TENM2: variants seen among roughly 807,000 people sequenced by gnomAD.
The protein encoded by TENM2 is teneurin transmembrane protein 2, also known as teneurin-2.
Under a neutral mutation model 245.2 loss-of-function variants are expected in TENM2, and 52 were observed. That is an observed-to-expected ratio of 0.21 (90% CI 0.17 to 0.27). The LOEUF is 0.27. TENM2 is among the 10% of genes least tolerant of loss of function. The pLI is 1.00. For missense variants in TENM2, 3,046 were observed against 3,666.8 expected, an observed-to-expected ratio of 0.83 and a Z score of 4.37; for synonymous variants, 1,363 against 1,438.9, an observed-to-expected ratio of 0.95 and a Z score of 1.19.
chr5:168,216,471 G>A (rs1763206229), intron 21 of TENM2, among the ~76,000 whole-genome samples: 1 of 152,176 alleles, frequency 6.6e-6, no homozygotes, highest in Non-Finnish European at 1.5e-5. Context: ...GTTATTTCCT[G>A]CTTCATTCAT....
chr5:168,199,981 C>A (rs1713962788), exon 17 of TENM2: 1 of 1,613,898 alleles, frequency 6.2e-7, no homozygotes, highest in Non-Finnish European at 8.5e-7. Context: ...CACAGTGCCC[C>A]TGAACCTCAT....
chr5:167,659,244 A>G (rs1481636336), intron 2 of TENM2, among the ~76,000 whole-genome samples: 4 of 152,228 alleles, frequency 2.6e-5, no homozygotes, highest in Non-Finnish European at 5.9e-5. Flanking sequence ...AACAAAGATA[A>G]GATAAAGAGG....
chr5:167,284,730 TCA>T (rs1435574568), upstream of TENM2: 22 of 777,010 alleles, frequency 2.8e-5, no homozygotes, highest in Admixed American at 3.7e-4. Context: ...TTTCTTGTAA[TCA>T]CAGTCTTGGG....
intron 27 of TENM2, 75 bp downstream of exon 29, chr5:168,248,446 G>T: frequency 6.9e-7 from 1 of 1,441,342 alleles, no homozygotes; most frequent in Non-Finnish European, 9.4e-7. Flanking sequence ...TTGGGAGGAA[G>T]GTCTCCCATC....
At chr5:167,182,474 C>T in the TENM2 span, among the ~76,000 whole-genome samples, 5 of 151,998 alleles carry the variant, frequency 3.3e-5, no homozygotes, top group African/African-American at 1.2e-4. Context: ...TAGGACTAAT[C>T]GTGATTAGAT....
intron 5 of TENM2, among the ~76,000 whole-genome samples, chr5:168,025,949 C>T (rs1786583935): frequency 6.6e-6 from 1 of 152,172 alleles, no homozygotes; most frequent in African/African-American, 2.4e-5. Flanking sequence ...GAACTCCTAT[C>T]TCCCTGGCTA....
chr5:167,692,963 G>C (rs1012399257), intron 2 of TENM2, among the ~76,000 whole-genome samples: 6 of 152,194 alleles, frequency 3.9e-5, no homozygotes, highest in Admixed American at 6.5e-5. Context: ...GCAGTAGGGA[G>C]TAACAACTGA....
chr5:167,001,707 A>G, the TENM2 span, among the ~76,000 whole-genome samples: 10 of 152,148 alleles, frequency 6.6e-5, no homozygotes, highest in Admixed American at 3.9e-4. Context: ...CAAGTTATCT[A>G]TGAGAACAGC....
chr5:167,820,182 T>A (rs1767405070), intron 2 of TENM2, among the ~76,000 whole-genome samples: 2 of 152,104 alleles, frequency 1.3e-5, no homozygotes, highest in African/African-American at 4.8e-5. Context: ...TTCTAATAGA[T>A]GAGTTGGGAC....
At chr5:167,714,246 C>T (rs1016964426) in intron 2 of TENM2, among the ~76,000 whole-genome samples, 4 of 152,202 alleles carry the variant, frequency 2.6e-5, no homozygotes, top group African/African-American at 9.6e-5. Flanking sequence ...TGTTCTAGCA[C>T]TTCCCCCATG....
chr5:168,179,857 C>T (rs1759705745), intron 13 of TENM2, among the ~76,000 whole-genome samples: 1 of 152,200 alleles, frequency 6.6e-6, no homozygotes, highest in Non-Finnish European at 1.5e-5. Flanking sequence ...TAACCCAGTG[C>T]CAGGCACCCA....
At chr5:167,076,032 C>A in the TENM2 span, among the ~76,000 whole-genome samples, 1 of 152,110 alleles carries the variant, frequency 6.6e-6, no homozygotes. Flanking sequence ...AAGCTTATGC[C>A]CGAAGTTTTA....
chr5:168,056,993 G>A (rs770840436), intron 6 of TENM2, among the ~76,000 whole-genome samples: 8 of 151,916 alleles, frequency 5.3e-5, no homozygotes, highest in Non-Finnish European at 8.8e-5. Context: ...TTGCCTAAGA[G>A]TACATTTCTC....
intron 1 of TENM2, among the ~76,000 whole-genome samples, chr5:167,322,558 G>A (rs1421021675): frequency 1.3e-5 from 2 of 151,926 alleles, no homozygotes; most frequent in African/African-American, 4.8e-5. Flanking sequence ...CATATGAAAT[G>A]TTTAGCCCAG....
At chr5:167,804,995 G>A (rs965190385) in intron 2 of TENM2, among the ~76,000 whole-genome samples, 16 of 152,186 alleles carry the variant, frequency 1.1e-4, no homozygotes, top group Admixed American at 1.3e-4. Context: ...GCATGGACAC[G>A]CTACAGCTTG....
chr5:167,678,606 GGGCAAAGATGAATCACATTTTTTTA>G (rs1489115339), intron 2 of TENM2, among the ~76,000 whole-genome samples: 1 of 152,038 alleles, frequency 6.6e-6, no homozygotes, highest in Non-Finnish European at 1.5e-5. Context: ...TCTCATTTGA[GGGCAAAGATGAATCACATTTTTTTA>G]GGCATTCCAT....
chr5:167,025,847 C>A, the TENM2 span, among the ~76,000 whole-genome samples: 4 of 151,906 alleles, frequency 2.6e-5, no homozygotes, highest in African/African-American at 9.7e-5. Flanking sequence ...GTATATAATC[C>A]GCTTCTCATT....
At chr5:167,915,396 A>G (rs1480554162) in intron 3 of TENM2, among the ~76,000 whole-genome samples, 1 of 152,134 alleles carries the variant, frequency 6.6e-6, no homozygotes, top group Non-Finnish European at 1.5e-5. Flanking sequence ...CTTTCATGTA[A>G]GGTGTCTGAA....
intron 2 of TENM2, among the ~76,000 whole-genome samples, chr5:167,563,467 A>T (rs1773720260): frequency 6.6e-6 from 1 of 152,186 alleles, no homozygotes; most frequent in Non-Finnish European, 1.5e-5. Flanking sequence ...GTTTTCTGCC[A>T]AGTGATGTCT....
Sources: allele counts gnomAD v4.1 joint callset (sites outside exome capture counted in the v4.1 genomes callset), GRCh38; gene constraint gnomAD v4.1.1; transcripts MANE v1.5; gene names NCBI Gene and HGNC (gene_info 2026-07-23, HGNC 2026-07-21).